Variants in CCSAP observed in about 807,000 individuals in gnomAD.
CCSAP encodes centriole, cilia and spindle associated protein.
Under a neutral mutation model 25.9 loss-of-function variants are expected in CCSAP, and 17 were observed. That is an observed-to-expected ratio of 0.66 (90% CI 0.45 to 0.99). The LOEUF is 0.99. Among genes scored for constraint, CCSAP ranks in the 50% least tolerant of loss-of-function variants. The pLI is 0.00. For missense variants in CCSAP, 339 were observed against 367.8 expected (o/e 0.92, Z 0.64); for synonymous variants, 169 against 157.1 (o/e 1.08, Z -0.57).
Position 229,342,093 on chromosome 1 carries a change from G to C in CCSAP, c.367+6C>G, listed in dbSNP as rs375851502. The C allele has an allele frequency of 3.0e-6, 4 of 1,339,116 alleles. No homozygotes were observed. In the South Asian group the frequency reaches 6.8e-5, roughly 23 times the overall value. The allele number at this position is 1,339,116 out of a possible 1,614,324, so 83.0% of individuals were successfully genotyped here. On this transcript the variant is annotated splice_donor_region_variant and intron_variant, in intron 2 of 3. Transcript: ENST00000284617. This position sits in a 1 kb window ranked among gnomAD's most constrained non-coding sequence, Gnocchi z 7.5. ...GGCCCCTCGCGCTCCCCTCCGGGCC[G>C]GGTACCTGGCAGAGCCGCGTCCTCC...
intron 2 of CCSAP, among the ~76,000 whole-genome samples, chr1:229,328,809 C>T (rs1245429791): frequency 1.3e-5 from 2 of 152,232 alleles, no homozygotes; most frequent in Non-Finnish European, 2.9e-5. Context: ...CCACGTCTGC[C>T]TTCAGTGATG....
intron 2 of CCSAP, among the ~76,000 whole-genome samples, chr1:229,327,767 A>G (rs435201): frequency 0.64 from 97,325 of 151,172 alleles, 31,458 homozygotes; most frequent in African/African-American, 0.69. Flanking sequence ...TACTCGGGAG[A>G]CTGAGGCAGG....
At position 229,324,507 on chromosome 1, in the gene CCSAP, ATTGTG is replaced by A. The variant is rs1432492306; in HGVS notation, c.*723_*727del. 3 of 152,474 alleles carry A rather than the reference ATTGTG, an allele frequency of 2.0e-5. No individual in the cohort carries two copies. Among genetic ancestry groups the A allele is most frequent in the African/African-American group, 7.2e-5 (3 of 41,404 alleles). The allele number at this position is 152,474 out of a possible 1,614,324, so 9.4% of individuals were successfully genotyped here. ...AACTTTACTACTACTGTACACACATATTGTGTTGTGTGCACTTCGTCTATTGGAAT... is the reference window on the plus strand; with the variant it reads ...AACTTTACTACTACTGTACACACATATTGTGTGCACTTCGTCTATTGGAAT... On this transcript the variant is annotated 3_prime_UTR_variant, in exon 4 of 4. Coordinates refer to ENST00000284617, the MANE Select transcript of CCSAP (RefSeq NM_145257.5).
intron 2 of CCSAP, among the ~76,000 whole-genome samples, chr1:229,339,379 C>T (rs189030280): frequency 6.6e-6 from 1 of 152,144 alleles, no homozygotes; most frequent in Non-Finnish European, 1.5e-5. Flanking sequence ...TTTCTACGGA[C>T]AACTGTTCCA....
intron 2 of CCSAP, among the ~76,000 whole-genome samples, chr1:229,335,895 A>G (rs771877222): frequency 6.6e-6 from 1 of 152,200 alleles, no homozygotes; most frequent in Non-Finnish European, 1.5e-5. Flanking sequence ...CTGCAGGCTC[A>G]CTCAACCATG....
chr1:229,326,528 C>A (rs1657944068), intron 3 of CCSAP, among the ~76,000 whole-genome samples: 1 of 152,218 alleles, frequency 6.6e-6, no homozygotes, highest in East Asian at 1.9e-4. Flanking sequence ...AGCCAAAACC[C>A]CTCGCTCTGC....
chr1:229,335,262 A>G (rs1441628272), intron 2 of CCSAP, among the ~76,000 whole-genome samples: 1 of 152,128 alleles, frequency 6.6e-6, no homozygotes, highest in African/African-American at 2.4e-5. Context: ...AATGCTACAG[A>G]GAGCTTAGAT....
chr1:229,323,543 G>A lies in CCSAP; in HGVS notation c.*1692C>T, dbSNP rs1374598816. 3.9e-5 allele frequency: 6 copies of A among 152,244 alleles called. No individual in the cohort carries two copies. The highest frequency in any genetic ancestry group is 1.9e-4 in the East Asian group (1 of 5,190). 9.4% of individuals were successfully genotyped at this position (152,244 alleles called of 1,614,324 possible). ...AAGGTGATCTTTAGGTACCTGTGTC[G>A]TTTAAAGACTTTAATAATAGTTAAT... On this transcript the variant is annotated 3_prime_UTR_variant, in exon 4 of 4. Transcript: ENST00000284617.
intron 2 of CCSAP, among the ~76,000 whole-genome samples, chr1:229,333,300 T>G (rs541532299): frequency 5.5e-4 from 84 of 151,870 alleles, no homozygotes; most frequent in Middle Eastern, 6.8e-3. Flanking sequence ...GGGCGTGGTG[T>G]CAGGTGCCTG....
chr1:229,337,678 A>AAAAAAATATATATATATATAT, intron 2 of CCSAP, among the ~76,000 whole-genome samples: 1 of 65,514 alleles, frequency 1.5e-5, no homozygotes, highest in African/African-American at 6.0e-5. Flanking sequence ...CTCAAAAAAA[A>AAAAAAATATATATATATATAT]ATATATATAT....
At chr1:229,334,328 A>C (rs1429530373) in intron 2 of CCSAP, among the ~76,000 whole-genome samples, 1 of 152,228 alleles carries the variant, frequency 6.6e-6, no homozygotes, top group African/African-American at 2.4e-5. Context: ...CCTTACGTGG[A>C]TACTATACAT....
chr1:229,328,544 C>T (rs1657999171), intron 2 of CCSAP, among the ~76,000 whole-genome samples: 1 of 152,142 alleles, frequency 6.6e-6, no homozygotes, highest in African/African-American at 2.4e-5. Flanking sequence ...TGGCCTCAAA[C>T]AATCCTCCTG....
At chr1:229,341,181 G>A (rs1658322735) in intron 2 of CCSAP, among the ~76,000 whole-genome samples, 1 of 119,856 alleles carries the variant, frequency 8.3e-6, no homozygotes. Flanking sequence ...GCCACAGAGC[G>A]AGACTCCGTC....
intron 2 of CCSAP, among the ~76,000 whole-genome samples, chr1:229,341,762 T>C (rs1417799624): frequency 6.6e-6 from 1 of 151,872 alleles, no homozygotes; most frequent in Non-Finnish European, 1.5e-5. Context: ...CGCCTAGAAA[T>C]AAGCAGATGG....
At chr1:229,337,678 A>AAAAAAAAAAAAAAAAAATAT in intron 2 of CCSAP, among the ~76,000 whole-genome samples, 3 of 65,506 alleles carry the variant, frequency 4.6e-5, no homozygotes, top group Non-Finnish European at 6.2e-5. Context: ...CTCAAAAAAA[A>AAAAAAAAAAAAAAAAAATAT]ATATATATAT....
Position 229,325,360 on chromosome 1 carries a change from T to C in CCSAP, c.688A>G (p.Lys230Glu). Residue 230 changes from lysine to glutamate, a missense_variant, in exon 4 of 4, where the codon AAA (lysine) becomes GAA (glutamate). By Grantham distance (56) the Lys-to-Glu change is moderately conservative (BLOSUM62 1). Coordinates refer to ENST00000284617, the MANE Select transcript of CCSAP (RefSeq NM_145257.5). ...GCTCGCTGCCTTTGAGCAACCAGTT[T>C]CCTTTTTTCCACCTGTCTTCTGTTC... is the stretch of plus-strand genomic sequence containing the variant. ...AKNRRQVEKR[K>E]LVAQRQRAHS... The C allele has an allele frequency of 6.2e-7, 1 of 1,614,196 alleles. No homozygotes were observed. The highest frequency in any genetic ancestry group is 8.5e-7 in the Non-Finnish European group (1 of 1,180,026).
chr1:229,327,366 C>T, intron 2 of CCSAP: 1 of 362,336 alleles, frequency 2.8e-6, no homozygotes, highest in Non-Finnish European at 5.5e-6. Context: ...TTTTGCTTTC[C>T]TTCACGGAAA....
intron 2 of CCSAP, among the ~76,000 whole-genome samples, chr1:229,339,141 C>T (rs1462945027): frequency 3.4e-5 from 5 of 149,194 alleles, no homozygotes; most frequent in Non-Finnish European, 7.4e-5. Context: ...AGAAAACTTC[C>T]GGGAATTAAA....
At position 229,326,753 on chromosome 1, in the gene CCSAP, G is replaced by C; in HGVS notation, c.621C>G (p.Ser207=). The change falls in exon 3 of 4, where the codon TCC becomes TCG. Residue 207 remains serine (S), a synonymous_variant. Transcript: ENST00000284617. ...CAGAGCGCACCTCGTGCACAGGAGC[G>C]GACGCACAGACGTTGTGAGTCTTCT... The part of the protein sequence containing the change: ...GSQKTHNVCA[S]APVHEIHESA... 6.2e-7 allele frequency: 1 copy of C among 1,614,162 alleles called. No homozygotes were observed. Among genetic ancestry groups the C allele is most frequent in the Non-Finnish European group, 8.5e-7 (1 of 1,180,024 alleles).
Sources: allele counts gnomAD v4.1 joint callset (sites outside exome capture counted in the v4.1 genomes callset), GRCh38; gene constraint gnomAD v4.1.1; non-coding constraint Gnocchi (gnomAD v3.1); transcripts MANE v1.5; gene names NCBI Gene and HGNC (gene_info 2026-07-23, HGNC 2026-07-21).